The following ARSG variants were observed in gnomAD, a reference collection of about 807,000 sequenced individuals.
ARSG encodes the protein arylsulfatase G, also known as ASG.
ARSG carries 37 observed loss-of-function variants against 50.5 expected under a neutral mutation model. The observed-to-expected ratio is 0.73, with a 90% confidence interval of 0.56 to 0.96. ARSG has a LOEUF of 0.96. ARSG is among the 50% of genes least tolerant of loss of function. The probability of loss-of-function intolerance (pLI) is 0.00; values close to 1 mark genes in which losing one functional copy is unlikely to be tolerated. For synonymous variants in ARSG, 225 were observed against 254.6 expected, an observed-to-expected ratio of 0.88 and a Z score of 1.11; for missense variants, 629 against 675.3, an observed-to-expected ratio of 0.93 and a Z score of 0.76.
chr17:68,389,015 C>T (rs1336570089), intron 9 of ARSG, among the ~76,000 whole-genome samples: 1 of 151,786 alleles, frequency 6.6e-6, no homozygotes, highest in East Asian at 1.9e-4. Flanking sequence ...CTCTGAAAGA[C>T]AGTCAGGTGT....
Position 68,379,761 on chromosome 17 carries a change from C to A in ARSG, c.983-5303C>A, listed in dbSNP as rs1483139507. The stretch of plus-strand genomic sequence containing the variant: ...CTGGAGAGAGGACCCTGTCGAATGA[C>A]ATTCAGCATTAGTTAAATGAAAAAC... On this transcript the variant is annotated intron_variant, in intron 8 of 11. Coordinates refer to ENST00000621439, the MANE Select transcript of ARSG (RefSeq NM_001267727.2). 1.7e-5 allele frequency: 16 copies of A among 917,940 alleles called. No homozygotes were observed. In the South Asian group the frequency reaches 7.5e-4, roughly 43 times the overall value. The allele number at this position is 917,940 out of a possible 1,614,324, so 56.9% of individuals were successfully genotyped here.
chr17:68,406,456 A>G (rs1254916721), intron 11 of ARSG, among the ~76,000 whole-genome samples: 1 of 152,166 alleles, frequency 6.6e-6, no homozygotes, highest in Non-Finnish European at 1.5e-5. Context: ...TTCTTTAAGG[A>G]ATCTGTTTTC....
At chr17:68,387,970 T>G (rs1358824752) in intron 9 of ARSG, among the ~76,000 whole-genome samples, 1 of 152,150 alleles carries the variant, frequency 6.6e-6, no homozygotes, top group Non-Finnish European at 1.5e-5. Flanking sequence ...GGTGTGTACC[T>G]GGGTGATGTC....
chr17:68,355,972 C>T (rs185364044), intron 5 of ARSG, among the ~76,000 whole-genome samples: 70 of 152,138 alleles, frequency 4.6e-4, no homozygotes, highest in East Asian at 2.9e-3. Context: ...ACCTCCGCCT[C>T]CCGGGTTCAA....
intron 2 of ARSG, among the ~76,000 whole-genome samples, chr17:68,336,688 A>G (rs1345019470): frequency 2.6e-5 from 4 of 152,106 alleles, no homozygotes; most frequent in Non-Finnish European, 2.9e-5. Context: ...TCCCGTTTCT[A>G]TTAAAAGTAT....
intron 8 of ARSG, among the ~76,000 whole-genome samples, chr17:68,376,163 G>A (rs909151055): frequency 6.6e-6 from 1 of 151,968 alleles, no homozygotes; most frequent in South Asian, 2.1e-4. Flanking sequence ...AGGCTGGAGT[G>A]CAATGGCGCG....
At chr17:68,433,841 G>A in the ARSG span, among the ~76,000 whole-genome samples, 258 of 130,094 alleles carry the variant, frequency 2.0e-3, 2 homozygotes, top group African/African-American at 7.1e-3. Context: ...GGAGTACGGT[G>A]GCTTGATCTC....
At chr17:68,324,467 C>T (rs1243608434) in intron 2 of ARSG, among the ~76,000 whole-genome samples, 1 of 152,216 alleles carries the variant, frequency 6.6e-6, no homozygotes, top group Non-Finnish European at 1.5e-5. Flanking sequence ...CGGACCGGCC[C>T]AGCTCCAGAC....
chr17:68,432,652 A>G, the ARSG span, among the ~76,000 whole-genome samples: 1 of 152,026 alleles, frequency 6.6e-6, no homozygotes, highest in Non-Finnish European at 1.5e-5. Flanking sequence ...TCAGCGTGAT[A>G]TGGTGCCCAG....
At chr17:68,410,909 A>G (rs2081968905) in intron 11 of ARSG, among the ~76,000 whole-genome samples, 5 of 152,084 alleles carry the variant, frequency 3.3e-5, no homozygotes, top group African/African-American at 7.2e-5. Context: ...GTTTATTTGC[A>G]TAGAGGTGTT....
intron 8 of ARSG, among the ~76,000 whole-genome samples, chr17:68,372,976 C>T (rs1299909785): frequency 6.7e-6 from 1 of 149,522 alleles, no homozygotes; most frequent in African/African-American, 2.5e-5. Flanking sequence ...ACTGCAGCCT[C>T]CACTTCCTGG....
intron 4 of ARSG, among the ~76,000 whole-genome samples, chr17:68,347,976 G>A (rs2078589107): frequency 6.6e-6 from 1 of 152,204 alleles, no homozygotes; most frequent in African/African-American, 2.4e-5. Context: ...CTGGCGGAAG[G>A]TTTGCATTGG....
At chr17:68,430,193 GGGC>G in the ARSG span, 3 of 1,585,272 alleles carry the variant, frequency 1.9e-6, no homozygotes, top group Non-Finnish European at 2.6e-6. Flanking sequence ...CGATGGGACT[GGGC>G]TGCAGGCCCC....
chr17:68,353,509 G>A (rs1040385752), intron 5 of ARSG, among the ~76,000 whole-genome samples: 4 of 151,930 alleles, frequency 2.6e-5, no homozygotes, highest in Non-Finnish European at 5.9e-5. Flanking sequence ...GTAAGATCCC[G>A]TCTCAAAAAA....
At chr17:68,364,078 C>T (rs1382950497) in intron 6 of ARSG, among the ~76,000 whole-genome samples, 1 of 152,150 alleles carries the variant, frequency 6.6e-6, no homozygotes, top group Non-Finnish European at 1.5e-5. Flanking sequence ...GGGTGCCTCT[C>T]ACCTGCCCTC....
At chr17:68,264,627 G>C (rs1362115198) in intron 1 of ARSG, among the ~76,000 whole-genome samples, 1 of 151,736 alleles carries the variant, frequency 6.6e-6, no homozygotes, top group African/African-American at 2.4e-5. Flanking sequence ...AGTAGAGATG[G>C]GGTTTTTCCA....
intron 4 of ARSG, 54 bp downstream of exon 4, chr17:68,347,226 G>T: frequency 6.3e-7 from 1 of 1,575,278 alleles, no homozygotes; most frequent in Non-Finnish European, 8.7e-7. Context: ...AAAGGTCTCT[G>T]TGTAAGACTC....
At chr17:68,272,827 T>C in intron 1 of ARSG, 1 of 1,595,930 alleles carries the variant, frequency 6.3e-7, no homozygotes, top group Middle Eastern at 1.7e-4. Context: ...ACTGGAAGGA[T>C]GCATTAAAAG....
intron 9 of ARSG, among the ~76,000 whole-genome samples, chr17:68,387,404 C>T (rs1013390951): frequency 2.0e-5 from 3 of 152,224 alleles, no homozygotes; most frequent in African/African-American, 7.2e-5. Flanking sequence ...ACTGGGATTA[C>T]AGGCATGAGC....
Sources: allele counts gnomAD v4.1 joint callset (sites outside exome capture counted in the v4.1 genomes callset), GRCh38; gene constraint gnomAD v4.1.1; transcripts MANE v1.5; gene names NCBI Gene and HGNC (gene_info 2026-07-23, HGNC 2026-07-21).